ACYP2: variants seen among roughly 807,000 people sequenced by gnomAD.
ACYP2 encodes the protein acylphosphatase-2.
ACYP2 carries 12 observed loss-of-function variants against 11.2 expected under a neutral mutation model. The observed-to-expected ratio is 1.08, with a 90% CI of 0.69 to 1.74. The LOEUF (loss-of-function observed/expected upper bound fraction) is 1.74, where lower values mean the gene tolerates loss of function less well. Among genes scored for constraint, ACYP2 ranks in the 40% most tolerant of loss-of-function variants. The pLI, the probability that ACYP2 is intolerant of heterozygous loss-of-function variation, is 0.00. For missense variants in ACYP2, 134 were observed against 101.9 expected (o/e 1.31, Z -1.35); for synonymous variants, 43 against 32.2 (o/e 1.33, Z -1.13).
rs1013022921 is a variant in ACYP2, at chr2:54,226,350, G to A, written c.405-78338G>A. ...TTTTTATGTGCATTTCGAGGCTGCA[G>A]TTTCCTCTGACAGACAATCCATTGT... On this transcript the variant is annotated intron_variant, in intron 6 of 6. Coordinates refer to ENST00000607452, the MANE Select transcript of ACYP2 (RefSeq NM_001320586.2). 1.1e-4 allele frequency among the ~76,000 whole-genome samples: 17 copies of A among 152,352 alleles called. No homozygotes were observed. In the South Asian group the frequency reaches 1.7e-3, roughly 15 times the overall value.
intron 6 of ACYP2, among the ~76,000 whole-genome samples, chr2:54,168,977 T>C (rs1683120796): frequency 6.6e-6 from 1 of 152,202 alleles, no homozygotes; most frequent in South Asian, 2.1e-4. Flanking sequence ...TTGGCGTCAT[T>C]TTCCTTTAAA....
At chr2:54,094,532 T>TTG (rs112696039) in intron 4 of ACYP2, among the ~76,000 whole-genome samples, 4,121 of 112,912 alleles carry the variant, frequency 0.036, 73 homozygotes, top group African/African-American at 0.064. Flanking sequence ...CCCGGCCCAG[T>TTG]TGTGTGTGTG....
intron 4 of ACYP2, among the ~76,000 whole-genome samples, chr2:54,073,730 G>A (rs1430222012): frequency 6.6e-6 from 1 of 152,128 alleles, no homozygotes; most frequent in Non-Finnish European, 1.5e-5. Flanking sequence ...TCTGAACAAA[G>A]ATTTCTTCAA....
rs1489220629 is a variant in ACYP2 at position 54,304,825 on chromosome 2, A to G, written c.*23A>G. The G allele has an allele frequency of 7.6e-7, 1 of 1,323,372 alleles. No homozygotes were observed. Among genetic ancestry groups the G allele is most frequent in the East Asian group, 2.3e-5 (1 of 42,706 alleles). The allele number at this position is 1,323,372 out of a possible 1,614,324, so 82.0% of individuals were successfully genotyped here. On this transcript the variant is annotated 3_prime_UTR_variant, in exon 7 of 7. Coordinates refer to ENST00000607452, the MANE Select transcript of ACYP2 (RefSeq NM_001320586.2). Reference sequence around the variant, plus strand: ...TAATAGAAGAGAAAAATTGTAACACACTGAACAATAGATACTGTATGTTCT... The same window carrying G: ...TAATAGAAGAGAAAAATTGTAACACGCTGAACAATAGATACTGTATGTTCT...
chr2:54,104,177 G>A (rs1679041021), intron 4 of ACYP2, among the ~76,000 whole-genome samples: 1 of 152,136 alleles, frequency 6.6e-6, no homozygotes, highest in Non-Finnish European at 1.5e-5. Context: ...GGATTCTGAT[G>A]GGAGATATAT....
At chr2:54,110,927 G>A (rs1679427787) in intron 4 of ACYP2, among the ~76,000 whole-genome samples, 1 of 151,992 alleles carries the variant, frequency 6.6e-6, no homozygotes, top group South Asian at 2.1e-4. Flanking sequence ...AGCAAAGAGA[G>A]GTGGTTGAGT....
At chr2:54,237,563 G>C (rs1187404033) in intron 6 of ACYP2, among the ~76,000 whole-genome samples, 1 of 151,976 alleles carries the variant, frequency 6.6e-6, no homozygotes, top group Non-Finnish European at 1.5e-5. Context: ...TATTCCTTCG[G>C]CACTTTGAAG....
chr2:54,248,639 A>T (rs1241980774), intron 6 of ACYP2, among the ~76,000 whole-genome samples: 1 of 152,080 alleles, frequency 6.6e-6, no homozygotes, highest in Non-Finnish European at 1.5e-5. Flanking sequence ...CACACTGTAG[A>T]TTGTCTGTCT....
intron 6 of ACYP2, among the ~76,000 whole-genome samples, chr2:54,156,250 A>C (rs1682424510): frequency 6.6e-6 from 1 of 152,162 alleles, no homozygotes; most frequent in Non-Finnish European, 1.5e-5. Flanking sequence ...TAAAAACTTT[A>C]GCATGAAATA....
intron 4 of ACYP2, among the ~76,000 whole-genome samples, chr2:54,100,155 T>C (rs886521358): frequency 2.0e-5 from 3 of 150,158 alleles, no homozygotes; most frequent in Non-Finnish European, 2.9e-5. Context: ...TAAAAAATAA[T>C]AAATGAACAT....
chr2:54,138,841 G>A, intron 6 of ACYP2, 93 bp downstream of exon 3: 2 of 964,258 alleles, frequency 2.1e-6, no homozygotes, highest in Admixed American at 2.4e-5. Context: ...TGCCCAGGTT[G>A]GAGTGCAGTG....
At chr2:53,998,720 G>A (rs778029515) in intron 2 of ACYP2, among the ~76,000 whole-genome samples, 2 of 152,092 alleles carry the variant, frequency 1.3e-5, no homozygotes. Context: ...AGAGGCTGAG[G>A]ATGGAGGATG....
At chr2:54,272,807 G>C (rs920864745) in intron 6 of ACYP2, among the ~76,000 whole-genome samples, 1 of 152,166 alleles carries the variant, frequency 6.6e-6, no homozygotes, top group Non-Finnish European at 1.5e-5. Context: ...GAATGAATGA[G>C]GCAAAGACAA....
At chr2:54,121,484 T>C (rs1344745472) in intron 4 of ACYP2, among the ~76,000 whole-genome samples, 1 of 152,238 alleles carries the variant, frequency 6.6e-6, no homozygotes, top group Non-Finnish European at 1.5e-5. Flanking sequence ...TTCCTACTGC[T>C]ATAACTGAGA....
intron 6 of ACYP2, among the ~76,000 whole-genome samples, chr2:54,225,538 G>A (rs1685978941): frequency 6.6e-6 from 1 of 151,932 alleles, no homozygotes; most frequent in African/African-American, 2.4e-5. Context: ...TAAGTTTCAG[G>A]GACATTATTG....
chr2:54,256,268 G>A, intron 6 of ACYP2: 1 of 1,158,666 alleles, frequency 8.6e-7, no homozygotes, highest in Non-Finnish European at 1.2e-6. Context: ...CCACTCTTCA[G>A]TCTCGCGACA....
chr2:54,129,204 C>A (rs1680745775), intron 4 of ACYP2, among the ~76,000 whole-genome samples: 1 of 152,252 alleles, frequency 6.6e-6, no homozygotes, highest in East Asian at 1.9e-4. Context: ...ATTAGGCTTT[C>A]TAGATTTTAT....
At chr2:54,191,133 C>T (rs1440386736) in intron 6 of ACYP2, among the ~76,000 whole-genome samples, 1 of 152,094 alleles carries the variant, frequency 6.6e-6, no homozygotes, top group African/African-American at 2.4e-5. Flanking sequence ...AGACTCAGCT[C>T]CCTGCTTTCC....
chr2:54,039,411 C>T (rs1355758955), intron 2 of ACYP2, among the ~76,000 whole-genome samples: 1 of 151,888 alleles, frequency 6.6e-6, no homozygotes, highest in Non-Finnish European at 1.5e-5. Flanking sequence ...CCCGCCTCAG[C>T]CTCCCTAGTA....
Sources: gnomAD v4.1 joint callset for allele counts (sites outside exome capture counted in the v4.1 genomes callset) on GRCh38, gnomAD v4.1.1 for gene constraint, MANE v1.5 for transcripts, NCBI Gene and HGNC (gene_info 2026-07-23, HGNC 2026-07-21) for gene names.